The following CUL3 variants were observed in gnomAD, a reference collection of about 807,000 sequenced individuals.
CUL3 encodes the protein cullin-3.
A neutral mutation model predicts 89.1 loss-of-function variants in CUL3; 19 were observed. That is an observed-to-expected ratio of 0.21 (90% CI 0.15 to 0.31). The LOEUF (loss-of-function observed/expected upper bound fraction) is 0.31. Among genes scored for constraint, CUL3 ranks in the 10% least tolerant of loss-of-function variants. The pLI is 1.00. For missense variants in CUL3, 469 were observed against 942.3 expected (o/e 0.50, Z 6.58); for synonymous variants, 351 against 308.4 (o/e 1.14, Z -1.45).
Position 224,577,344 on chromosome 2 carries a change from G to A in CUL3, c.66+7600C>T, listed in dbSNP as rs540444870. ...AGCACTGTAGGAGGATGAGGCAGAC[G>A]GATCACGAGGTCAGGAGATCGAGAT... On this transcript the variant is annotated intron_variant, in intron 1 of 15. Transcript: ENST00000264414. Among the ~76,000 whole-genome samples the A allele has an allele frequency of 3.9e-5, 6 of 152,240 alleles. No homozygotes were observed. In the East Asian group the frequency reaches 7.7e-4, roughly 20 times the overall value.
At chr2:224,541,741 T>C (rs1286998893) in intron 2 of CUL3, among the ~76,000 whole-genome samples, 2 of 152,096 alleles carry the variant, frequency 1.3e-5, no homozygotes, top group East Asian at 1.9e-4. Context: ...AAATTATTGA[T>C]AGAATAGTTT....
chr2:224,561,336 T>C (rs947144792), intron 1 of CUL3, among the ~76,000 whole-genome samples: 4 of 152,206 alleles, frequency 2.6e-5, no homozygotes, highest in Admixed American at 6.5e-5. Flanking sequence ...CTAAGCAACA[T>C]TGATCAGCTT....
intron 3 of CUL3, among the ~76,000 whole-genome samples, chr2:224,526,815 T>C (rs1192978383): frequency 3.8e-5 from 5 of 133,154 alleles, no homozygotes; most frequent in Non-Finnish European, 7.9e-5. Flanking sequence ...AGACTAAGTC[T>C]CCAAAAAAAA....
chr2:224,553,511 A>G (rs2106296880), intron 2 of CUL3, among the ~76,000 whole-genome samples: 1 of 152,344 alleles, frequency 6.6e-6, no homozygotes, highest in South Asian at 2.1e-4. Context: ...ATATATTATA[A>G]AAACTGCCTA....
At chr2:224,487,441 C>CCG (rs1691772050) in intron 13 of CUL3, among the ~76,000 whole-genome samples, 2 of 99,140 alleles carry the variant, frequency 2.0e-5, no homozygotes, top group Non-Finnish European at 4.2e-5. Flanking sequence ...GCCCGCCCCC[C>CCG]CCAAAAAAAA....
At chr2:224,515,043 C>G (rs1692988818) in intron 3 of CUL3, among the ~76,000 whole-genome samples, 1 of 151,958 alleles carries the variant, frequency 6.6e-6, no homozygotes, top group African/African-American at 2.4e-5. Context: ...AAGAAAAAAA[C>G]AGAGTAAAAA....
intron 1 of CUL3, among the ~76,000 whole-genome samples, chr2:224,574,694 T>C (rs1042514476): frequency 6.6e-6 from 1 of 152,186 alleles, no homozygotes; most frequent in African/African-American, 2.4e-5. Flanking sequence ...AGAATTATAG[T>C]TGAAAATTTT....
chr2:224,528,052 T>C (rs1693542832), intron 3 of CUL3, among the ~76,000 whole-genome samples: 1 of 152,254 alleles, frequency 6.6e-6, no homozygotes. Context: ...TTACACCTAG[T>C]TGATCACAGC....
At position 224,542,248 on chromosome 2, in the gene CUL3, C is replaced by T. The variant is rs529723745; in HGVS notation, c.265-6607G>A. On this transcript the variant is annotated intron_variant, in intron 2 of 15. Coordinates refer to ENST00000264414, the MANE Select transcript of CUL3 (RefSeq NM_003590.5). ...CAAACTTGACCACTATTCTTTGTTT[C>T]TGTGGATATAGCTTTTCTCGCATTT... 5.3e-5 allele frequency among the ~76,000 whole-genome samples: 8 copies of T among 152,256 alleles called. No homozygotes were observed. In the South Asian group the frequency reaches 1.7e-3, roughly 32 times the overall value.
intron 14 of CUL3, chr2:224,479,544 A>G (rs1002133077): frequency 6.6e-6 from 1 of 152,242 alleles, no homozygotes; most frequent in Non-Finnish European, 1.5e-5. Context: ...GAGATATAAA[A>G]GAAATTTTTG....
chr2:224,581,176 CACG>C (rs1423737612), intron 1 of CUL3, among the ~76,000 whole-genome samples: 2 of 152,066 alleles, frequency 1.3e-5, no homozygotes, highest in African/African-American at 4.8e-5. Flanking sequence ...GCAGGCGGAT[CACG>C]ACGTCAGGAG....
At chr2:224,481,746 T>C (rs1272060707) in intron 14 of CUL3, 146 bp downstream of exon 14, 2 of 491,376 alleles carry the variant, frequency 4.1e-6, no homozygotes, top group Non-Finnish European at 3.4e-6. Context: ...CAAATACTTA[T>C]CAATAAAAGC....
intron 13 of CUL3, among the ~76,000 whole-genome samples, chr2:224,489,830 G>A (rs34332594): frequency 0.068 from 10,306 of 152,212 alleles, 579 homozygotes; most frequent in African/African-American, 0.14. Context: ...AAAAGCAACT[G>A]CAACAAAAGC....
chr2:224,523,083 G>A (rs1693329272), intron 3 of CUL3, among the ~76,000 whole-genome samples: 1 of 152,130 alleles, frequency 6.6e-6, no homozygotes, highest in Admixed American at 6.5e-5. Flanking sequence ...TTAGAGCAAT[G>A]AATTTATAAG....
chr2:224,559,452 C>CAA (rs34898102), intron 1 of CUL3, among the ~76,000 whole-genome samples: 1,175 of 67,386 alleles, frequency 0.017, 35 homozygotes, highest in Admixed American at 0.11. Context: ...GATTGTGTCT[C>CAA]AAAAAAAAAA....
At chr2:224,518,973 T>G (rs569508276) in intron 3 of CUL3, among the ~76,000 whole-genome samples, 2 of 152,344 alleles carry the variant, frequency 1.3e-5, no homozygotes, top group Middle Eastern at 6.8e-3. Context: ...TCAGAACTGA[T>G]GAATTCTTCA....
intron 1 of CUL3, among the ~76,000 whole-genome samples, chr2:224,583,707 AG>A (rs892836591): frequency 6.6e-6 from 1 of 152,216 alleles, no homozygotes. Flanking sequence ...ATTCTGCATG[AG>A]GTGTATCCTT....
intron 1 of CUL3, among the ~76,000 whole-genome samples, chr2:224,582,978 G>A (rs967129245): frequency 6.6e-6 from 1 of 152,202 alleles, no homozygotes; most frequent in African/African-American, 2.4e-5. Context: ...TAACTTGAGT[G>A]AGTTGATGTC....
chr2:224,522,340 T>C (rs1174393780), intron 3 of CUL3, among the ~76,000 whole-genome samples: 1 of 152,178 alleles, frequency 6.6e-6, no homozygotes, highest in Non-Finnish European at 1.5e-5. Flanking sequence ...TAATTATAAT[T>C]AGATCGAAGT....
Sources: allele counts gnomAD v4.1 joint callset (sites outside exome capture counted in the v4.1 genomes callset), GRCh38; gene constraint gnomAD v4.1.1; transcripts MANE v1.5; gene names NCBI Gene and HGNC (gene_info 2026-07-23, HGNC 2026-07-21).